Variants in ABLIM1 observed in about 807,000 individuals in gnomAD.
The protein encoded by ABLIM1 is actin-binding LIM protein 1.
Under a neutral mutation model 107.0 loss-of-function variants are expected in ABLIM1, and 40 were observed. The ratio of observed to expected loss-of-function variants is 0.37; its 90% CI spans 0.29 to 0.49. The LOEUF is 0.49. ABLIM1 is among the 20% of genes least tolerant of loss of function. ABLIM1 has a pLI of 0.97. For missense variants in ABLIM1, 857 were observed against 1,008.5 expected, an observed-to-expected ratio of 0.85 and a Z score of 2.04; for synonymous variants, 357 against 357.3, an observed-to-expected ratio of 1.00 and a Z score of 0.01.
intron 6 of ABLIM1, among the ~76,000 whole-genome samples, chr10:114,505,564 A>G (rs776592600): frequency 6.6e-6 from 1 of 152,244 alleles, no homozygotes; most frequent in Non-Finnish European, 1.5e-5. Flanking sequence ...ATCAGATAAC[A>G]TAACAAGTGC....
intron 6 of ABLIM1, among the ~76,000 whole-genome samples, chr10:114,515,146 C>T (rs367561386): frequency 2.2e-4 from 33 of 152,194 alleles, no homozygotes; most frequent in Non-Finnish European, 1.6e-4. Context: ...GACTGCAATG[C>T]TGCATTCGAA....
rs145213554 is a variant in ABLIM1 at position 114,484,904 on chromosome 10, C to T, written c.1041+3054G>A. 3.2e-3 allele frequency among the ~76,000 whole-genome samples: 481 copies of T among 152,348 alleles called. 1 individual carries two copies. Among genetic ancestry groups the T allele is most frequent in the African/African-American group, 0.011 (470 of 41,574 alleles). On this transcript the variant is annotated intron_variant, in intron 8 of 22. Coordinates refer to ENST00000533213, the MANE Select transcript of ABLIM1 (RefSeq NM_002313.7). ...TCCAAGGAGCATGGCCTACATGAGC[C>T]ATAGCCTGGGATGGGTTTCTGTACC...
At chr10:114,781,827 T>G in the ABLIM1 span, among the ~76,000 whole-genome samples, 1 of 152,086 alleles carries the variant, frequency 6.6e-6, no homozygotes, top group East Asian at 1.9e-4. Flanking sequence ...CTTATTAGTA[T>G]CACAGTCTGA....
rs2061281487 is a variant in ABLIM1 at position 114,447,958 on chromosome 10, C to A, written c.1657G>T (p.Ala553Ser). Residue 553 changes from alanine to serine, a missense_variant, in exon 15 of 23, where the codon GCC becomes TCC. Physicochemically the swap from Ala to Ser is moderately conservative, Grantham distance 99. Around this residue, in one of 5 missense-constraint regions of ABLIM1, gnomAD observed 103 missense variants for 101.0 expected, o/e 1.02. Coordinates refer to ENST00000533213, the MANE Select transcript of ABLIM1 (RefSeq NM_002313.7). Reference sequence around the variant, plus strand: ...GTCTCGCTGGGGTCTGGTGCCTGGGCTGCTGGGAACTTGGAAAACTTGATG... The same window carrying A: ...GTCTCGCTGGGGTCTGGTGCCTGGGATGCTGGGAACTTGGAAAACTTGATG... Reference protein sequence around the residue: ...DIIKFSKFPAAQAPDPSETPK... With the variant: ...DIIKFSKFPASQAPDPSETPK... 1 of 1,614,152 alleles carries A rather than the reference C, an allele frequency of 6.2e-7. No homozygotes were observed. The highest frequency in any genetic ancestry group is 8.5e-7 in the Non-Finnish European group (1 of 1,180,036).
chr10:114,643,409 C>T (rs894591826), intron 1 of ABLIM1, among the ~76,000 whole-genome samples: 1 of 152,128 alleles, frequency 6.6e-6, no homozygotes. Context: ...CACACAATCA[C>T]TTCATCTTTG....
chr10:114,768,258 C>G (rs1317670412), upstream of ABLIM1, among the ~76,000 whole-genome samples: 1 of 146,828 alleles, frequency 6.8e-6, no homozygotes, highest in Admixed American at 6.7e-5. Context: ...ACGCAGCGGC[C>G]GCAGGGACCC....
intron 8 of ABLIM1, among the ~76,000 whole-genome samples, chr10:114,474,485 T>G (rs2067207098): frequency 6.6e-6 from 1 of 150,954 alleles, no homozygotes; most frequent in Non-Finnish European, 1.5e-5. Context: ...GGTTCACACT[T>G]TTCTCCTGCC....
At chr10:114,563,447 G>A (rs768329848) in intron 4 of ABLIM1, among the ~76,000 whole-genome samples, 96 of 152,250 alleles carry the variant, frequency 6.3e-4, no homozygotes, top group African/African-American at 2.1e-3. Context: ...ACGTGGGCAC[G>A]CATGTAAACA....
chr10:114,690,135 A>G, intron 1 of ABLIM1: 1 of 1,322,234 alleles, frequency 7.6e-7, no homozygotes, highest in South Asian at 1.2e-5. Context: ...ATAAAACACA[A>G]GTCAAACTTA....
intron 2 of ABLIM1, among the ~76,000 whole-genome samples, chr10:114,583,462 CACACACATATATATATATATATATAT>C (rs1566009595): frequency 5.5e-4 from 5 of 9,092 alleles, no homozygotes; most frequent in Non-Finnish European, 8.6e-4. Context: ...CACACACACA[CACACACATATATATATATATATATAT>C]ATATATATAT....
chr10:114,512,872 G>A (rs924556058), intron 6 of ABLIM1, among the ~76,000 whole-genome samples: 1 of 147,898 alleles, frequency 6.8e-6, no homozygotes, highest in African/African-American at 2.5e-5. Context: ...AGGAAGGAAG[G>A]AAGGAAGGAA....
At chr10:114,568,696 T>A (rs2071176949) in intron 4 of ABLIM1, among the ~76,000 whole-genome samples, 1 of 152,162 alleles carries the variant, frequency 6.6e-6, no homozygotes, top group Admixed American at 6.5e-5. Context: ...TTGTTAAAAA[T>A]AAAGATGTCC....
intron 6 of ABLIM1, among the ~76,000 whole-genome samples, chr10:114,495,620 GTGCTGCTGC>G (rs554585306): frequency 9.7e-4 from 148 of 151,948 alleles, no homozygotes; most frequent in African/African-American, 3.4e-3. Flanking sequence ...GGTGATGACG[GTGCTGCTGC>G]TGCTGCTGCT....
At chr10:114,596,663 T>C (rs2497662) in intron 2 of ABLIM1, among the ~76,000 whole-genome samples, 105,569 of 152,010 alleles carry the variant, frequency 0.69, 37,101 homozygotes, top group Middle Eastern at 0.78. Context: ...CCTGTGAAGT[T>C]ATGGGGTCTG....
chr10:114,466,322 A>T (rs2065147578), intron 11 of ABLIM1, among the ~76,000 whole-genome samples: 1 of 152,220 alleles, frequency 6.6e-6, no homozygotes, highest in Non-Finnish European at 1.5e-5. Flanking sequence ...TAAAAAAAAA[A>T]AATTTTAAGG....
At chr10:114,765,729 C>T (rs914765764) in intron 1 of ABLIM1, among the ~76,000 whole-genome samples, 1 of 152,136 alleles carries the variant, frequency 6.6e-6, no homozygotes, top group African/African-American at 2.4e-5. Context: ...AAAAGTGCTG[C>T]ATAAAAAGAT....
intron 1 of ABLIM1, among the ~76,000 whole-genome samples, chr10:114,765,741 C>T (rs112123084): frequency 3.3e-5 from 5 of 151,990 alleles, no homozygotes; most frequent in Admixed American, 6.6e-5. Context: ...TAAAAAGATA[C>T]GTAAAATCCT....
intron 3 of ABLIM1, 33 bp downstream of exon 3, chr10:114,575,383 A>T (rs772967778): frequency 1.2e-6 from 2 of 1,601,924 alleles, no homozygotes; most frequent in Non-Finnish European, 1.7e-6. Flanking sequence ...TGTTGGAGGA[A>T]GGTGTAGGCT....
upstream of ABLIM1, among the ~76,000 whole-genome samples, chr10:114,769,423 GA>G (rs1200884568): frequency 3.3e-3 from 7 of 2,128 alleles, no homozygotes; most frequent in South Asian, 0.014. Context: ...AGAAAAGAAG[GA>G]AAGAAAGAAA....
Sources: gnomAD v4.1 joint callset for allele counts (sites outside exome capture counted in the v4.1 genomes callset) on GRCh38, gnomAD v4.1.1 for gene constraint, gnomAD v4.1.1 regional missense constraint, MANE v1.5 for transcripts, NCBI Gene and HGNC (gene_info 2026-07-23, HGNC 2026-07-21) for gene names.